INTS7: variants seen among roughly 807,000 people sequenced by gnomAD.
The protein encoded by INTS7 is integrator complex subunit 7, also known as chromosome 1 open reading frame 73.
In INTS7, 46 loss-of-function variants were observed where a neutral mutation model predicts 109.2. That is an observed-to-expected ratio of 0.42 (90% CI 0.33 to 0.54). INTS7 has a LOEUF of 0.54. Among genes scored for constraint, INTS7 ranks in the 20% least tolerant of loss-of-function variants. The pLI is 0.07. For synonymous variants in INTS7, 412 were observed against 402.9 expected (o/e 1.02, Z -0.27); for missense variants, 929 against 1,132.4 (o/e 0.82, Z 2.58).
At chr1:212,031,479 C>T (rs192663232) in intron 1 of INTS7, among the ~76,000 whole-genome samples, 21 of 152,280 alleles carry the variant, frequency 1.4e-4, no homozygotes, top group African/African-American at 4.6e-4. Flanking sequence ...CTCAGTCTTA[C>T]AGAAGCTCAA....
intron 9 of INTS7, among the ~76,000 whole-genome samples, chr1:211,981,914 C>G (rs1664685747): frequency 6.6e-6 from 1 of 152,108 alleles, no homozygotes; most frequent in African/African-American, 2.4e-5. Context: ...AATCAACTTT[C>G]AACTTTAAGA....
At chr1:211,987,393 T>TG (rs1263555554) in intron 8 of INTS7, among the ~76,000 whole-genome samples, 1 of 152,152 alleles carries the variant, frequency 6.6e-6, no homozygotes, top group Non-Finnish European at 1.5e-5. Flanking sequence ...CGGGCATTAA[T>TG]GAAAGCATTT....
intron 16 of INTS7, among the ~76,000 whole-genome samples, 186 bp from the exon 17 acceptor site, chr1:211,952,887 A>G (rs901205969): frequency 3.3e-5 from 5 of 152,216 alleles, no homozygotes; most frequent in Non-Finnish European, 7.3e-5. Flanking sequence ...CAGCTAGTAA[A>G]TGGCAAGCCA....
chr1:211,966,678 T>C (rs1042250243), intron 15 of INTS7, among the ~76,000 whole-genome samples, 180 bp from the exon 16 acceptor site: 1 of 152,176 alleles, frequency 6.6e-6, no homozygotes, highest in African/African-American at 2.4e-5. Context: ...TTGTCTATAA[T>C]AGTGATCCTC....
chr1:211,968,113 A>C, intron 14 of INTS7, 132 bp from the exon 15 acceptor site: 1 of 537,784 alleles, frequency 1.9e-6, no homozygotes, highest in Non-Finnish European at 3.2e-6. Context: ...TTTCACTGTC[A>C]TTCCATTCAT....
chr1:211,968,198 C>A (rs1472174991), intron 14 of INTS7, among the ~76,000 whole-genome samples: 1 of 152,002 alleles, frequency 6.6e-6, no homozygotes. Flanking sequence ...TTATATATGA[C>A]ATATAGAAAC....
rs771497442 is a variant in INTS7, at chr1:211,982,741, T to C, written c.1067A>G (p.Asn356Ser). ...AACTCCATGAGCTGCAATGCCCCTG[T>C]TATTATGGTAACAGCACTCTTGGGC... ...KLAQECCYHN[N>S]RGIAAHGVRV... Residue 356 changes from asparagine to serine, a missense_variant, in exon 9 of 20, where the codon AAC (asparagine) becomes AGC (serine). By Grantham distance (46) the Asn-to-Ser change is conservative (BLOSUM62 1). Coordinates refer to ENST00000366994, the MANE Select transcript of INTS7 (RefSeq NM_015434.4). 1.1e-5 allele frequency: 17 copies of C among 1,611,798 alleles called. No individual in the cohort carries two copies. The East Asian group carries it at 3.8e-4, about 36-fold the overall frequency.
chr1:211,996,473 G>A lies in INTS7; in HGVS notation c.880-8470C>T, dbSNP rs1345145418. On this transcript the variant is annotated intron_variant, in intron 7 of 19. Transcript: ENST00000366994. The stretch of plus-strand genomic sequence containing the variant: ...TGTCTTCTTTTCAAACCCCTGAACT[G>A]TTTACAAAAAGTGATCCTACAATGG... 2.0e-5 allele frequency among the ~76,000 whole-genome samples: 3 copies of A among 151,848 alleles called. No homozygotes were observed. In the East Asian group the frequency reaches 5.8e-4, roughly 29 times the overall value.
intron 7 of INTS7, among the ~76,000 whole-genome samples, chr1:212,002,101 A>G (rs1362999764): frequency 1.3e-5 from 2 of 152,214 alleles, no homozygotes; most frequent in East Asian, 1.9e-4. Context: ...AGTCTTGCCC[A>G]TTCCAAGTAA....
chr1:211,988,100 T>C lies in INTS7; in HGVS notation c.880-97A>G, dbSNP rs184590741. On this transcript the variant is annotated intron_variant, in intron 7 of 19. Transcript: ENST00000366994. Reference sequence around the variant, plus strand: ...CATTTTCTGGCTTTTAGAAAAATTATATATTAAGGACTTTTTTTCATGTTA... The same window carrying C: ...CATTTTCTGGCTTTTAGAAAAATTACATATTAAGGACTTTTTTTCATGTTA... 3.5e-4 allele frequency: 214 copies of C among 604,328 alleles called. No homozygotes were observed. In the Middle Eastern group the frequency reaches 5.8e-3, roughly 16 times the overall value. 37.4% of individuals were successfully genotyped at this position (604,328 alleles called of 1,614,324 possible).
In INTS7 at chr1:211,967,886, A is replaced by G. The variant is rs537387491; in HGVS notation, c.2106T>C (p.Asn702=). 4.6e-5 allele frequency: 73 copies of G among 1,587,684 alleles called. No homozygotes were observed. The South Asian group carries it at 5.1e-4, about 11-fold the overall frequency. ...GGGCAAGCTTGGGATACAGTTCAAC[A>G]TTCCTCAAAGTTGCTGAGTCAGCAT... ...SFDADSATLR[N]VELQQQSCLL... The change falls in exon 15 of 20, where the codon AAT becomes AAC. Residue 702 remains asparagine, a synonymous_variant. Transcript: ENST00000366994.
chr1:212,023,661 T>C (rs1445211620), intron 1 of INTS7, among the ~76,000 whole-genome samples: 1 of 152,192 alleles, frequency 6.6e-6, no homozygotes, highest in Non-Finnish European at 1.5e-5. Flanking sequence ...GTCACATGCA[T>C]AGTTTGCAAA....
At chr1:212,024,939 G>C (rs996406052) in intron 1 of INTS7, among the ~76,000 whole-genome samples, 5 of 152,148 alleles carry the variant, frequency 3.3e-5, no homozygotes, top group African/African-American at 1.2e-4. Flanking sequence ...ACTTCAATTA[G>C]ACTACATTCA....
At chr1:212,025,107 A>G (rs1217710181) in intron 1 of INTS7, among the ~76,000 whole-genome samples, 3 of 152,248 alleles carry the variant, frequency 2.0e-5, no homozygotes, top group Non-Finnish European at 4.4e-5. Context: ...ACATTGTGAA[A>G]AAGGCAGGGA....
intron 8 of INTS7, among the ~76,000 whole-genome samples, chr1:211,986,264 C>T (rs1358417850): frequency 6.6e-6 from 1 of 152,116 alleles, no homozygotes; most frequent in Non-Finnish European, 1.5e-5. Context: ...CAATCCTGGT[C>T]ATACATGACC....
intron 8 of INTS7, 93 bp from the exon 9 acceptor site, chr1:211,982,903 A>G: frequency 2.1e-6 from 2 of 943,544 alleles, no homozygotes; most frequent in Non-Finnish European, 3.1e-6. Context: ...TTTTGAGAAA[A>G]GTCTCTAACA....
intron 4 of INTS7, among the ~76,000 whole-genome samples, chr1:212,014,319 G>C (rs1413698801): frequency 6.6e-6 from 1 of 151,886 alleles, no homozygotes; most frequent in Non-Finnish European, 1.5e-5. Context: ...ACAAAAATTA[G>C]CTGGGCATGG....
At chr1:211,947,240 T>C (rs1662883362) in intron 17 of INTS7, among the ~76,000 whole-genome samples, 2 of 152,206 alleles carry the variant, frequency 1.3e-5, no homozygotes, top group Non-Finnish European at 2.9e-5. Flanking sequence ...CCTGAAACTC[T>C]AATAAAATAT....
At chr1:212,007,046 C>T (rs1665954090) in intron 6 of INTS7, among the ~76,000 whole-genome samples, 1 of 151,380 alleles carries the variant, frequency 6.6e-6, no homozygotes, top group Admixed American at 6.6e-5. Flanking sequence ...TACTCCATAA[C>T]ATCTCATTTT....
Sources: allele counts gnomAD v4.1 joint callset (sites outside exome capture counted in the v4.1 genomes callset), GRCh38; gene constraint gnomAD v4.1.1; transcripts MANE v1.5; gene names NCBI Gene and HGNC (gene_info 2026-07-23, HGNC 2026-07-21).